ASIC2: variants seen among roughly 807,000 people sequenced by gnomAD.
ASIC2 encodes the protein acid sensing ion channel subunit 2.
Under a neutral mutation model 57.3 loss-of-function variants are expected in ASIC2, and 25 were observed. That is an observed-to-expected ratio of 0.44 (90% CI 0.32 to 0.61). The LOEUF (loss-of-function observed/expected upper bound fraction) is 0.61, where lower values mean the gene tolerates loss of function less well. Ranked by LOEUF, ASIC2 falls within the 20% of genes least tolerant of loss-of-function variation. The pLI is 0.06. For synonymous variants in ASIC2, 319 were observed against 307.5 expected (o/e 1.04, Z -0.39); for missense variants, 641 against 738.1 (o/e 0.87, Z 1.52).
Position 33,894,143 on chromosome 17 carries a change from G to T in ASIC2, c.555+261835C>A, listed in dbSNP as rs185168608. ...ATTTTGTCACTTCTAGGATGATAGG[G>T]CTTGATGAACCCCCTTAGGGGGTGG... On this transcript the variant is annotated intron_variant, in intron 1 of 9. Coordinates refer to the ASIC2 transcript ENST00000359872. Among the ~76,000 whole-genome samples, 26 of 152,304 alleles carry T rather than the reference G, an allele frequency of 1.7e-4. No homozygotes were observed. The East Asian group carries it at 4.1e-3, about 24-fold the overall frequency.
intron 1 of ASIC2, among the ~76,000 whole-genome samples, chr17:33,408,338 GTC>G (rs1567851273): frequency 6.6e-6 from 1 of 152,178 alleles, no homozygotes; most frequent in African/African-American, 2.4e-5. Context: ...ACTTGGTTCT[GTC>G]TCTTCCATGC....
At chr17:33,056,035 C>T (rs1238737969) in intron 3 of ASIC2, among the ~76,000 whole-genome samples, 1 of 152,218 alleles carries the variant, frequency 6.6e-6, no homozygotes, top group African/African-American at 2.4e-5. Context: ...AGAGGATTCT[C>T]ATGCTGGAGC....
intron 1 of ASIC2, among the ~76,000 whole-genome samples, chr17:33,316,634 T>C (rs796847964): frequency 5.9e-5 from 9 of 152,318 alleles, no homozygotes; most frequent in African/African-American, 2.2e-4. Flanking sequence ...ACTCAGTCTG[T>C]TAGCCCCAGT....
chr17:33,159,419 G>T (rs754027137), intron 1 of ASIC2, among the ~76,000 whole-genome samples: 25 of 152,238 alleles, frequency 1.6e-4, no homozygotes, highest in Non-Finnish European at 3.1e-4. Context: ...GGTGAAGCGG[G>T]CTGTGGTCAA....
At chr17:33,812,142 A>G (rs1262321264) in intron 1 of ASIC2, among the ~76,000 whole-genome samples, 1 of 151,890 alleles carries the variant, frequency 6.6e-6, no homozygotes, top group Non-Finnish European at 1.5e-5. Context: ...GGTTTTCTCC[A>G]AGTATCTAGT....
At chr17:33,277,285 C>T (rs558440433) in intron 1 of ASIC2, among the ~76,000 whole-genome samples, 2 of 152,236 alleles carry the variant, frequency 1.3e-5, no homozygotes, top group East Asian at 1.9e-4. Flanking sequence ...GAGAAGGACA[C>T]ATATTTAAAC....
In ASIC2 at chr17:33,570,420, G is replaced by A. The variant is rs145166529; in HGVS notation, c.556-458353C>T. On this transcript the variant is annotated intron_variant, in intron 1 of 9. Transcript: ENST00000359872. ...GCTCTGAAGCCTTTATTCTCAGACCGCTGTACTTAAAGGAAGGGTGCATGT... is the reference window on the plus strand; with the variant it reads ...GCTCTGAAGCCTTTATTCTCAGACCACTGTACTTAAAGGAAGGGTGCATGT... 6.8e-4 allele frequency among the ~76,000 whole-genome samples: 103 copies of A among 152,330 alleles called. 2 individuals are homozygous for A. The East Asian group carries it at 0.017, about 25-fold the overall frequency.
At chr17:33,078,519 TCTAAGAACTGTAAGAC>T (rs2092098869) in intron 3 of ASIC2, among the ~76,000 whole-genome samples, 1 of 152,224 alleles carries the variant, frequency 6.6e-6, no homozygotes, top group South Asian at 2.1e-4. Flanking sequence ...CTTCATTCCA[TCTAAGAACTGTAAGAC>T]CTAATCTTTT....
At chr17:33,213,161 C>A (rs1457830656) in intron 1 of ASIC2, among the ~76,000 whole-genome samples, 1 of 152,200 alleles carries the variant, frequency 6.6e-6, no homozygotes, top group Non-Finnish European at 1.5e-5. Flanking sequence ...AAGCTGCAGG[C>A]TGGATAACAA....
intron 1 of ASIC2, among the ~76,000 whole-genome samples, chr17:33,739,141 C>G (rs1468960845): frequency 6.6e-6 from 1 of 152,290 alleles, no homozygotes; most frequent in Non-Finnish European, 1.5e-5. Context: ...GATGAAGAAC[C>G]AGGGTGCTCA....
rs536041954 is a variant in ASIC2, at chr17:33,883,268, G to GATGA, written c.555+272706_555+272709dup. ...ATAATAATATTAATAAAAAAAGTCT[G>GATGA]ATGAATGAATGAATGAATGAATACA... On this transcript the variant is annotated intron_variant, in intron 1 of 9. Transcript: ENST00000359872. 9.2e-5 allele frequency among the ~76,000 whole-genome samples: 14 copies of GATGA among 152,194 alleles called. No homozygotes were observed. In the South Asian group the frequency reaches 1.7e-3, roughly 18 times the overall value.
At chr17:33,422,449 G>A (rs190382531) in intron 1 of ASIC2, among the ~76,000 whole-genome samples, 117 of 152,298 alleles carry the variant, frequency 7.7e-4, no homozygotes, top group South Asian at 1.7e-3. Flanking sequence ...TCCTCAAACC[G>A]TTTTTAGCTG....
rs928055826 is a variant in ASIC2 at position 33,081,943 on chromosome 17, A to G, written c.987+6920T>C. Among the ~76,000 whole-genome samples, 5 of 152,178 alleles carry G rather than the reference A, an allele frequency of 3.3e-5. No homozygotes were observed. In the East Asian group the frequency reaches 9.6e-4, roughly 29 times the overall value. On this transcript the variant is annotated intron_variant, in intron 3 of 9. Transcript: ENST00000225823. ...AAGTATTCTTATTTGCCTTTATTGT[A>G]GTCTAAACAGGCTAGAGAGGCAGTG... is the stretch of plus-strand genomic sequence containing the variant.
chr17:33,883,924 G>A (rs574945532), intron 1 of ASIC2, among the ~76,000 whole-genome samples: 1 of 152,272 alleles, frequency 6.6e-6, no homozygotes, highest in South Asian at 2.1e-4. Flanking sequence ...AGCTCAGATA[G>A]GTGAAGTAAC....
At chr17:33,053,779 C>T (rs1353528659) in intron 3 of ASIC2, among the ~76,000 whole-genome samples, 1 of 151,418 alleles carries the variant, frequency 6.6e-6, no homozygotes, top group Non-Finnish European at 1.5e-5. Flanking sequence ...TCTGCCTTTA[C>T]TCTTTTTTTT....
chr17:33,778,978 G>A (rs1284329303), intron 1 of ASIC2, among the ~76,000 whole-genome samples: 2 of 151,984 alleles, frequency 1.3e-5, no homozygotes, highest in Non-Finnish European at 2.9e-5. Flanking sequence ...TTAAGTGCAG[G>A]GCCTTACTCA....
intron 3 of ASIC2, among the ~76,000 whole-genome samples, chr17:33,087,676 C>A (rs1485906190): frequency 6.6e-6 from 1 of 150,620 alleles, no homozygotes; most frequent in Non-Finnish European, 1.5e-5. Flanking sequence ...ATCCTCCCAC[C>A]TCCAACCGCC....
At chr17:33,307,065 T>C (rs1438438092) in intron 1 of ASIC2, among the ~76,000 whole-genome samples, 1 of 152,100 alleles carries the variant, frequency 6.6e-6, no homozygotes, top group African/African-American at 2.4e-5. Flanking sequence ...CCTGGCCCCA[T>C]CCACCTACAA....
intron 1 of ASIC2, among the ~76,000 whole-genome samples, chr17:33,799,423 CT>C (rs1230862422): frequency 1.5e-5 from 1 of 66,716 alleles, no homozygotes; most frequent in African/African-American, 6.3e-5. Flanking sequence ...TTCTTTCTTT[CT>C]TTCTTCTTTC....
Sources: gnomAD v4.1 joint callset for allele counts (sites outside exome capture counted in the v4.1 genomes callset) on GRCh38, gnomAD v4.1.1 for gene constraint, MANE v1.5 for transcripts, NCBI Gene and HGNC (gene_info 2026-07-23, HGNC 2026-07-21) for gene names.